NEBL: variants seen among roughly 807,000 people sequenced by gnomAD.
The protein encoded by NEBL is LIM and SH3 protein 2.
Under a neutral mutation model 140.2 loss-of-function variants are expected in NEBL, and 122 were observed. The ratio of observed to expected loss-of-function variants is 0.87; its 90% CI spans 0.75 to 1.01. The LOEUF is 1.01. Ranked by LOEUF, NEBL falls within the 50% of genes least tolerant of loss-of-function variation. NEBL has a pLI of 0.00. For missense variants in NEBL, 1,365 were observed against 1,231.3 expected, an observed-to-expected ratio of 1.11 and a Z score of -1.62; for synonymous variants, 436 against 398.9, an observed-to-expected ratio of 1.09 and a Z score of -1.11.
intron 4 of NEBL, among the ~76,000 whole-genome samples, chr10:20,917,792 C>T (rs185935066): frequency 6.6e-6 from 1 of 152,252 alleles, no homozygotes; most frequent in African/African-American, 2.4e-5. Context: ...TTATATTTCA[C>T]TTTCAAGATA....
chr10:21,005,505 T>TGG (rs113149472), intron 3 of NEBL, among the ~76,000 whole-genome samples: 3 of 152,022 alleles, frequency 2.0e-5, no homozygotes, highest in African/African-American at 7.3e-5. Context: ...AAGGTCAAGA[T>TGG]GGGGGGATCG....
intron 3 of NEBL, among the ~76,000 whole-genome samples, chr10:21,220,898 G>C (rs984239284): frequency 6.6e-6 from 1 of 152,252 alleles, no homozygotes; most frequent in South Asian, 2.1e-4. Flanking sequence ...GCTCATGCCA[G>C]TAATCCCAGC....
intron 4 of NEBL, among the ~76,000 whole-genome samples, chr10:20,942,284 G>T (rs904906132): frequency 6.6e-6 from 1 of 152,010 alleles, no homozygotes; most frequent in Non-Finnish European, 1.5e-5. Flanking sequence ...AAATAATGCC[G>T]CATATCTACA....
chr10:20,977,718 G>T (rs1248203760), intron 3 of NEBL, among the ~76,000 whole-genome samples: 1 of 152,182 alleles, frequency 6.6e-6, no homozygotes, highest in African/African-American at 2.4e-5. Context: ...GTTCCAACTA[G>T]CATTTAAACT....
chr10:20,809,868 G>C lies in NEBL; in HGVS notation c.2549C>G (p.Ser850Cys), dbSNP rs748703797. Residue 850 changes from serine (S) to cysteine (C), a missense_variant, in exon 25 of 28, where the codon TCC becomes TGC. By Grantham distance (112) the Ser-to-Cys change is moderately radical. Coordinates refer to ENST00000377122, the MANE Select transcript of NEBL (RefSeq NM_006393.3). ...DLKVWRTDPG[S>C]IFDLDPLEDN... ...TTCCAGGGGATCAAGGTCGAAGATG[G>C]AGCCAGGATCTGTGCGCCAAACTTT... The C allele has an allele frequency of 5.6e-6, 9 of 1,612,608 alleles. No homozygotes were observed. Among genetic ancestry groups the C allele is most frequent in the Non-Finnish European group, 7.6e-6 (9 of 1,179,648 alleles).
At chr10:20,848,785 C>A (rs1407992288) in intron 11 of NEBL, among the ~76,000 whole-genome samples, 4 of 152,112 alleles carry the variant, frequency 2.6e-5, no homozygotes, top group South Asian at 2.1e-4. Flanking sequence ...ATCCCTGGTG[C>A]CAAAAAGATT....
At chr10:21,038,574 G>A (rs1834114830) in intron 2 of NEBL, among the ~76,000 whole-genome samples, 1 of 152,212 alleles carries the variant, frequency 6.6e-6, no homozygotes, top group Non-Finnish European at 1.5e-5. Flanking sequence ...ATATTCCATG[G>A]TGCATATGTG....
At chr10:21,163,189 G>C (rs144959952) in intron 2 of NEBL, among the ~76,000 whole-genome samples, 1 of 152,306 alleles carries the variant, frequency 6.6e-6, no homozygotes, top group East Asian at 1.9e-4. Context: ...GGCTCTGAAA[G>C]TCTGCTAGAA....
At chr10:20,965,544 GGGAAGA>G (rs1326492094) in intron 3 of NEBL, among the ~76,000 whole-genome samples, 2 of 152,210 alleles carry the variant, frequency 1.3e-5, no homozygotes, top group African/African-American at 2.4e-5. Context: ...CTTAGTGGGA[GGGAAGA>G]GGAAGAGGAC....
chr10:20,983,393 A>G (rs746657728), intron 3 of NEBL, among the ~76,000 whole-genome samples: 1 of 152,206 alleles, frequency 6.6e-6, no homozygotes, highest in Non-Finnish European at 1.5e-5. Flanking sequence ...TGATAGCTTA[A>G]TTTTGATTTA....
chr10:21,057,046 A>G (rs745819572), intron 2 of NEBL, among the ~76,000 whole-genome samples: 1 of 152,302 alleles, frequency 6.6e-6, no homozygotes, highest in Non-Finnish European at 1.5e-5. Flanking sequence ...AGTCAAGTTT[A>G]CTCCATTAAA....
chr10:21,129,789 C>T (rs957735859), intron 2 of NEBL, among the ~76,000 whole-genome samples: 1 of 151,596 alleles, frequency 6.6e-6, no homozygotes, highest in African/African-American at 2.4e-5. Flanking sequence ...ATATAAAATG[C>T]ACAATTAAAA....
intron 2 of NEBL, among the ~76,000 whole-genome samples, chr10:20,890,357 A>C (rs916885292): frequency 1.4e-4 from 22 of 152,216 alleles, no homozygotes; most frequent in African/African-American, 4.6e-4. Context: ...TCAAGGTAGA[A>C]AATAAGTAGT....
At chr10:21,259,452 G>A (rs1842708698) in intron 1 of NEBL, among the ~76,000 whole-genome samples, 1 of 152,080 alleles carries the variant, frequency 6.6e-6, no homozygotes, top group Non-Finnish European at 1.5e-5. Context: ...ACTTCCTAGG[G>A]TTTGGGATGT....
At chr10:21,231,718 C>T (rs904915028) in intron 3 of NEBL, among the ~76,000 whole-genome samples, 1 of 151,950 alleles carries the variant, frequency 6.6e-6, no homozygotes, top group African/African-American at 2.4e-5. Flanking sequence ...GTCAAAGCCC[C>T]GAGGCAAAAC....
intron 26 of NEBL, among the ~76,000 whole-genome samples, chr10:20,804,876 A>G (rs1272546666): frequency 1.3e-5 from 2 of 152,206 alleles, no homozygotes; most frequent in Non-Finnish European, 2.9e-5. Context: ...CAGGGTTTCA[A>G]GAAGATCATT....
chr10:20,942,647 C>T (rs1045332574), intron 4 of NEBL, among the ~76,000 whole-genome samples: 3 of 152,150 alleles, frequency 2.0e-5, no homozygotes, highest in African/African-American at 7.2e-5. Flanking sequence ...TCAGAGTGAA[C>T]AGGTGACCTA....
At chr10:20,960,419 A>T (rs1019047298) in intron 4 of NEBL, among the ~76,000 whole-genome samples, 5 of 152,084 alleles carry the variant, frequency 3.3e-5, no homozygotes, top group Non-Finnish European at 4.4e-5. Context: ...AGAAAAACTA[A>T]GAGACAAATG....
At chr10:21,061,024 G>A (rs961517181) in intron 2 of NEBL, among the ~76,000 whole-genome samples, 1 of 151,864 alleles carries the variant, frequency 6.6e-6, no homozygotes, top group Non-Finnish European at 1.5e-5. Flanking sequence ...GCCTGGAAAC[G>A]TGACCTTATT....
Sources: gnomAD v4.1 joint callset for allele counts (sites outside exome capture counted in the v4.1 genomes callset) on GRCh38, gnomAD v4.1.1 for gene constraint, MANE v1.5 for transcripts, NCBI Gene and HGNC (gene_info 2026-07-23, HGNC 2026-07-21) for gene names.